ITGB5: variants seen among roughly 807,000 people sequenced by gnomAD.
ITGB5 encodes the protein integrin beta-5.
Under a neutral mutation model 84.8 loss-of-function variants are expected in ITGB5, and 38 were observed. The ratio of observed to expected loss-of-function variants is 0.45; its 90% confidence interval spans 0.35 to 0.59. The LOEUF (loss-of-function observed/expected upper bound fraction) is 0.59. Among genes scored for constraint, ITGB5 ranks in the 20% least tolerant of loss-of-function variants. The pLI, the probability that ITGB5 is intolerant of heterozygous loss-of-function variation, is 0.01. For synonymous variants in ITGB5, 393 were observed against 414.4 expected (o/e 0.95, Z 0.63); for missense variants, 905 against 1,034.5 (o/e 0.87, Z 1.72).
chr3:124,835,600 C>G (rs2107585084), intron 5 of ITGB5, among the ~76,000 whole-genome samples: 1 of 152,364 alleles, frequency 6.6e-6, no homozygotes, highest in Middle Eastern at 3.4e-3. Context: ...CATGCTGAGA[C>G]AGACAACGCA....
upstream of ITGB5, among the ~76,000 whole-genome samples, chr3:124,889,740 G>A (rs1019465633): frequency 7.9e-5 from 12 of 152,170 alleles, no homozygotes; most frequent in African/African-American, 2.7e-4. Flanking sequence ...TGGGGCCAGC[G>A]CGTTGGCTCA....
chr3:124,855,262 C>T (rs971774391), intron 3 of ITGB5, among the ~76,000 whole-genome samples: 18 of 152,114 alleles, frequency 1.2e-4, no homozygotes, highest in African/African-American at 4.1e-4. Flanking sequence ...GCTGAAATCA[C>T]GTCACTGCAC....
At chr3:124,774,464 G>A (rs1261937265) in intron 10 of ITGB5, among the ~76,000 whole-genome samples, 2 of 152,126 alleles carry the variant, frequency 1.3e-5, no homozygotes, top group Non-Finnish European at 2.9e-5. Flanking sequence ...TGAAGATGGG[G>A]AGGATGCCAA....
chr3:124,798,340 T>C (rs2064265016), intron 9 of ITGB5, among the ~76,000 whole-genome samples: 1 of 152,110 alleles, frequency 6.6e-6, no homozygotes, highest in African/African-American at 2.4e-5. Context: ...TGTGAGCTAC[T>C]GCGCCCAGTC....
chr3:124,836,005 G>A (rs866751991), intron 5 of ITGB5, among the ~76,000 whole-genome samples: 2 of 152,154 alleles, frequency 1.3e-5, no homozygotes, highest in African/African-American at 2.4e-5. Flanking sequence ...AGTCCTCTGC[G>A]AGAAGTGGCA....
intron 9 of ITGB5, among the ~76,000 whole-genome samples, chr3:124,805,661 A>G (rs984467463): frequency 2.6e-5 from 4 of 151,968 alleles, no homozygotes; most frequent in African/African-American, 4.8e-5. Flanking sequence ...TTCATTGTCC[A>G]GGCTGGTTTT....
intron 1 of ITGB5, among the ~76,000 whole-genome samples, chr3:124,882,786 C>G (rs1204709290): frequency 6.6e-6 from 1 of 152,192 alleles, no homozygotes. Context: ...CTGAAAATGT[C>G]TGGCTGGAGT....
In ITGB5 at chr3:124,848,313, T is replaced by C; in HGVS notation, c.607A>G (p.Ile203Val). The change falls in exon 4 of 15, where the codon ATT (isoleucine) becomes GTT (valine). Residue 203 changes from isoleucine (I) to valine (V), a missense_variant. Around this residue, in one of 3 missense-constraint regions of ITGB5, gnomAD observed 656 missense variants for 734.7 expected, o/e 0.89. Transcript: ENST00000296181. ...GAAGGGCAACTGGTCACTTACCCAA[T>C]GCACGGATTGGTCTGGTACCTCGGT... Reference protein sequence around the residue: ...TAPRYQTNPCIGYKLFPNCVP... With the variant: ...TAPRYQTNPCVGYKLFPNCVP... 1 of 1,614,070 alleles carries C rather than the reference T, an allele frequency of 6.2e-7. No homozygotes were observed. Among genetic ancestry groups the C allele is most frequent in the Non-Finnish European group, 8.5e-7 (1 of 1,179,920 alleles).
At chr3:124,792,802 T>C (rs969473489) in intron 10 of ITGB5, 2 of 152,150 alleles carry the variant, frequency 1.3e-5, no homozygotes, top group African/African-American at 2.4e-5. Context: ...CACCAGGGGT[T>C]TTTGGATATG....
At chr3:124,838,205 A>T (rs917241685) in intron 5 of ITGB5, among the ~76,000 whole-genome samples, 7 of 82,968 alleles carry the variant, frequency 8.4e-5, no homozygotes, top group African/African-American at 2.9e-4. Flanking sequence ...GTTCCAGAAT[A>T]AAAAAAAAAA....
chr3:124,888,553 G>A (rs906146147), upstream of ITGB5, among the ~76,000 whole-genome samples: 1 of 152,206 alleles, frequency 6.6e-6, no homozygotes, highest in African/African-American at 2.4e-5. Flanking sequence ...CAAGTACAGA[G>A]AGCACACTGC....
intron 10 of ITGB5, among the ~76,000 whole-genome samples, chr3:124,779,279 G>A (rs1292071767): frequency 6.6e-6 from 1 of 152,158 alleles, no homozygotes. Flanking sequence ...GGGTAACCAG[G>A]AGGTATGTGA....
chr3:124,834,317 C>T (rs974395513), intron 5 of ITGB5, among the ~76,000 whole-genome samples: 3 of 151,412 alleles, frequency 2.0e-5, no homozygotes, highest in Admixed American at 6.6e-5. Flanking sequence ...AGGTTGTGTG[C>T]GCAGTGGTCA....
chr3:124,785,380 G>C (rs1481080567), intron 10 of ITGB5, among the ~76,000 whole-genome samples: 1 of 152,052 alleles, frequency 6.6e-6, no homozygotes, highest in Non-Finnish European at 1.5e-5. Flanking sequence ...TCAGGAGTTC[G>C]AGACCAGTCT....
chr3:124,802,515 C>T (rs2064331430), intron 9 of ITGB5, among the ~76,000 whole-genome samples: 1 of 152,232 alleles, frequency 6.6e-6, no homozygotes, highest in East Asian at 1.9e-4. Context: ...AGAGGGAAAG[C>T]CCCTCAACTC....
chr3:124,876,631 G>T (rs565259962), intron 1 of ITGB5, among the ~76,000 whole-genome samples: 1 of 152,346 alleles, frequency 6.6e-6, no homozygotes, highest in African/African-American at 2.4e-5. Flanking sequence ...AAGCTGAGAG[G>T]CTAGGAAGAA....
rs2063726804 is a variant in ITGB5 at position 124,763,721 on chromosome 3, A to G, written c.2305-3T>C. The G allele has an allele frequency of 6.4e-7, 1 of 1,570,888 alleles. No homozygotes were observed. The highest frequency in any genetic ancestry group is 1.7e-5 in the Admixed American group (1 of 59,902). On this transcript the variant is annotated splice_polypyrimidine_tract_variant and splice_region_variant and intron_variant, in intron 14 of 14. Transcript: ENST00000296181. ...TTTCTGTATAATGGATTTGAAGCCTACAGAACACGGCGGGGAAGAGGATGA... is the reference window on the plus strand; with the variant it reads ...TTTCTGTATAATGGATTTGAAGCCTGCAGAACACGGCGGGGAAGAGGATGA...
intron 2 of ITGB5, among the ~76,000 whole-genome samples, chr3:124,864,163 A>G (rs558651840): frequency 1.7e-5 from 2 of 114,496 alleles, no homozygotes; most frequent in African/African-American, 6.6e-5. Context: ...GCTGGAGTGC[A>G]GTGACACGAT....
intron 5 of ITGB5, among the ~76,000 whole-genome samples, chr3:124,829,365 C>T (rs1280625264): frequency 2.6e-5 from 4 of 152,242 alleles, no homozygotes; most frequent in Non-Finnish European, 5.9e-5. Flanking sequence ...GCGCGTGGGG[C>T]GGAAACGCAC....
Sources: gnomAD v4.1 joint callset for allele counts (sites outside exome capture counted in the v4.1 genomes callset) on GRCh38, gnomAD v4.1.1 for gene constraint, gnomAD v4.1.1 regional missense constraint, MANE v1.5 for transcripts, NCBI Gene and HGNC (gene_info 2026-07-23, HGNC 2026-07-21) for gene names.